Variants in RSPH14 observed in about 807,000 individuals in gnomAD.
RSPH14 encodes the protein radial spoke head 14 homolog.
In RSPH14, 20 loss-of-function variants were observed where a neutral mutation model predicts 26.7. The ratio of observed to expected loss-of-function variants is 0.75; its 90% CI spans 0.53 to 1.09. RSPH14 has a LOEUF of 1.09. RSPH14 is among the 50% of genes least tolerant of loss of function. The pLI, the probability that RSPH14 is intolerant of heterozygous loss-of-function variation, is 0.00. For synonymous variants in RSPH14, 177 were observed against 189.3 expected (o/e 0.93, Z 0.53); for missense variants, 449 against 457.2 (o/e 0.98, Z 0.16).
the RSPH14 span, among the ~76,000 whole-genome samples, chr22:23,164,575 C>G: frequency 1.3e-5 from 2 of 152,162 alleles, no homozygotes; most frequent in Non-Finnish European, 2.9e-5. Flanking sequence ...TTCCTTCTTT[C>G]CCAGCATCGG....
intron 6 of RSPH14, 83 bp from the exon 7 acceptor site, chr22:23,059,801 C>T (rs1387549229): frequency 2.1e-6 from 3 of 1,417,838 alleles, no homozygotes; most frequent in South Asian, 3.2e-5. Flanking sequence ...TCTCCTGACC[C>T]TCCTCCTTGT....
At chr22:23,093,164 G>T (rs2069033952) in intron 4 of RSPH14, among the ~76,000 whole-genome samples, 1 of 152,248 alleles carries the variant, frequency 6.6e-6, no homozygotes, top group Admixed American at 6.5e-5. Flanking sequence ...TGCTGGAGTG[G>T]GAGGGTCATC....
At chr22:23,105,051 T>C (rs1340803767) in intron 4 of RSPH14, among the ~76,000 whole-genome samples, 1 of 152,222 alleles carries the variant, frequency 6.6e-6, no homozygotes, top group East Asian at 1.9e-4. Flanking sequence ...CACCTCGTGG[T>C]GGACATGTCC....
upstream of RSPH14, chr22:23,145,388 G>A (rs137867464): frequency 5.3e-5 from 85 of 1,608,500 alleles, no homozygotes; most frequent in African/African-American, 1.1e-3. Context: ...GGTGCAAGCT[G>A]GATGCTTGGA....
intron 4 of RSPH14, among the ~76,000 whole-genome samples, chr22:23,084,682 A>G (rs2068769256): frequency 6.6e-6 from 1 of 152,146 alleles, no homozygotes; most frequent in Non-Finnish European, 1.5e-5. Flanking sequence ...CCATGATGCA[A>G]TGCAGCCTTG....
the RSPH14 span, chr22:23,158,856 G>T: frequency 6.4e-7 from 1 of 1,569,892 alleles, no homozygotes; most frequent in East Asian, 2.2e-5. Flanking sequence ...GTTTGGGGTG[G>T]GAGGATGGGT....
the RSPH14 span, chr22:23,155,859 G>A: frequency 1.2e-5 from 11 of 954,300 alleles, no homozygotes; most frequent in African/African-American, 1.0e-4. Context: ...CCATGCAGCT[G>A]GCACAGGCCC....
intron 4 of RSPH14, among the ~76,000 whole-genome samples, chr22:23,111,041 A>T (rs2146361959): frequency 6.6e-6 from 1 of 152,292 alleles, no homozygotes; most frequent in East Asian, 1.9e-4. Flanking sequence ...GTAGGATAGC[A>T]CTGGGATTCC....
intron 4 of RSPH14, chr22:23,124,461 A>G: frequency 2.2e-6 from 1 of 446,294 alleles, no homozygotes; most frequent in Non-Finnish European, 4.7e-6. Flanking sequence ...GTTGTACATA[A>G]GCCTCTGCAG....
intron 4 of RSPH14, among the ~76,000 whole-genome samples, chr22:23,119,827 A>G (rs528355726): frequency 1.4e-4 from 22 of 152,228 alleles, no homozygotes; most frequent in Non-Finnish European, 3.1e-4. Context: ...CCAAGAAACA[A>G]GACCAGGAAA....
At position 23,130,095 on chromosome 22, in the gene RSPH14, GAA is replaced by G. The variant is rs1181456631; in HGVS notation, c.421+3929_421+3930del. 1.7e-3 allele frequency among the ~76,000 whole-genome samples: 76 copies of G among 45,938 alleles called. 1 individual carries two copies. Among genetic ancestry groups the G allele is most frequent in the African/African-American group, 4.9e-3 (66 of 13,532 alleles). The allele number at this position is 45,938 out of a possible 152,430, so 30.1% of individuals were successfully genotyped here. Reference sequence around the variant, plus strand: ...AGAAAGAAAGAAAGGAAGAAAGAAAGAAAGAAAGAAAGAAAGAAAGAAAGAAA... The same window carrying G: ...AGAAAGAAAGAAAGGAAGAAAGAAAGAGAAAGAAAGAAAGAAAGAAAGAAA... On this transcript the variant is annotated intron_variant, in intron 4 of 6. Coordinates refer to ENST00000216036, the MANE Select transcript of RSPH14 (RefSeq NM_014433.3).
At chr22:23,099,275 G>A (rs1286371725) in intron 4 of RSPH14, among the ~76,000 whole-genome samples, 2 of 152,268 alleles carry the variant, frequency 1.3e-5, no homozygotes, top group Non-Finnish European at 1.5e-5. Context: ...GCAGATTTCC[G>A]GGTGTCTGTG....
intron 3 of RSPH14, chr22:23,136,316 A>C: frequency 1.4e-6 from 1 of 698,954 alleles, no homozygotes; most frequent in Non-Finnish European, 2.7e-6. Flanking sequence ...CCTTCCTGTC[A>C]CTACTTCTGT....
the RSPH14 span, among the ~76,000 whole-genome samples, chr22:23,158,576 C>T: frequency 7.9e-5 from 12 of 152,208 alleles, no homozygotes; most frequent in Non-Finnish European, 1.5e-4. Context: ...CTTCCAAACC[C>T]CGTGAGGGAG....
chr22:23,140,981 C>T (rs1401878921), intron 1 of RSPH14, among the ~76,000 whole-genome samples: 1 of 152,158 alleles, frequency 6.6e-6, no homozygotes, highest in Non-Finnish European at 1.5e-5. Flanking sequence ...CATTCACTGC[C>T]AGGAACCCAT....
At chr22:23,131,302 A>G (rs752759653) in intron 4 of RSPH14, 2 of 177,934 alleles carry the variant, frequency 1.1e-5, no homozygotes. Flanking sequence ...AAGATTATAT[A>G]TCGTCCATAT....
intron 4 of RSPH14, among the ~76,000 whole-genome samples, chr22:23,119,692 G>A (rs559033435): frequency 6.6e-6 from 1 of 152,326 alleles, no homozygotes; most frequent in East Asian, 1.9e-4. Context: ...AGGGACGCTG[G>A]GATGGAGTGA....
At chr22:23,109,214 T>C (rs1426264985) in intron 4 of RSPH14, among the ~76,000 whole-genome samples, 1 of 152,032 alleles carries the variant, frequency 6.6e-6, no homozygotes, top group East Asian at 1.9e-4. Flanking sequence ...TGGGGTAAGG[T>C]AGAGTTCAAG....
At chr22:23,145,427 CG>C (rs1569201438), upstream of RSPH14, 1 of 1,610,744 alleles carries the variant, frequency 6.2e-7, no homozygotes, top group African/African-American at 1.3e-5. Flanking sequence ...ACGCAGACCC[CG>C]CCCACGACGT....
Sources: allele counts gnomAD v4.1 joint callset (sites outside exome capture counted in the v4.1 genomes callset), GRCh38; gene constraint gnomAD v4.1.1; transcripts MANE v1.5; gene names NCBI Gene and HGNC (gene_info 2026-07-23, HGNC 2026-07-21).